Variants in WWOX observed in about 807,000 individuals in gnomAD.
WWOX encodes WW domain containing oxidoreductase.
WWOX carries 69 observed loss-of-function variants against 46.2 expected under a neutral mutation model. That is an observed-to-expected ratio of 1.49 (90% CI 1.23 to 1.82). WWOX has a LOEUF of 1.82. Ranked by LOEUF, WWOX falls within the 40% of genes most tolerant of loss-of-function variation. The probability of loss-of-function intolerance (pLI) is 0.00; values close to 1 mark genes in which losing one functional copy is unlikely to be tolerated. For synonymous variants in WWOX, 359 were observed against 202.6 expected, an observed-to-expected ratio of 1.77 and a Z score of -6.56; for missense variants, 919 against 542.6, an observed-to-expected ratio of 1.69 and a Z score of -6.89.
At chr16:78,642,126 C>G (rs1429882279) in intron 8 of WWOX, among the ~76,000 whole-genome samples, 1 of 152,128 alleles carries the variant, frequency 6.6e-6, no homozygotes, top group Admixed American at 6.6e-5. Context: ...CAATTTCTCT[C>G]CATCTAACAA....
intron 8 of WWOX, among the ~76,000 whole-genome samples, chr16:79,069,265 T>A (rs149216125): frequency 6.6e-6 from 1 of 152,118 alleles, no homozygotes; most frequent in South Asian, 2.1e-4. Flanking sequence ...CTGTTTAGAG[T>A]TGCCAGTTCT....
At chr16:78,812,916 A>G (rs2142713916) in intron 8 of WWOX, among the ~76,000 whole-genome samples, 1 of 152,246 alleles carries the variant, frequency 6.6e-6, no homozygotes, top group Middle Eastern at 3.4e-3. Flanking sequence ...AGAGGTTTTG[A>G]CTCACTGGTG....
chr16:78,556,196 G>A (rs1004747841), intron 8 of WWOX, among the ~76,000 whole-genome samples: 4 of 151,600 alleles, frequency 2.6e-5, no homozygotes, highest in African/African-American at 9.7e-5. Context: ...AACAGCAAAT[G>A]CCAGCCTATC....
At chr16:78,329,355 G>A (rs988348711) in intron 5 of WWOX, among the ~76,000 whole-genome samples, 1 of 152,048 alleles carries the variant, frequency 6.6e-6, no homozygotes, top group Non-Finnish European at 1.5e-5. Flanking sequence ...GATGAGGGAT[G>A]CAAAAAACGT....
At chr16:78,971,234 G>A (rs1016063771) in intron 8 of WWOX, among the ~76,000 whole-genome samples, 1 of 151,954 alleles carries the variant, frequency 6.6e-6, no homozygotes, top group Non-Finnish European at 1.5e-5. Flanking sequence ...GCTGAGGCGG[G>A]AAGATCACTT....
chr16:78,411,435 T>G (rs993856917), intron 6 of WWOX, among the ~76,000 whole-genome samples: 1 of 152,116 alleles, frequency 6.6e-6, no homozygotes, highest in Admixed American at 6.5e-5. Flanking sequence ...ATTAGGAATT[T>G]GACAGAGGGA....
chr16:79,189,627 T>C (rs1349833838), intron 8 of WWOX, among the ~76,000 whole-genome samples: 1 of 152,020 alleles, frequency 6.6e-6, no homozygotes, highest in East Asian at 1.9e-4. Context: ...TGAGGAATAA[T>C]TATTTCTAGT....
intron 8 of WWOX, among the ~76,000 whole-genome samples, chr16:78,975,423 GAGGTAAGAAA>G (rs2046551701): frequency 1.3e-5 from 2 of 151,924 alleles, no homozygotes; most frequent in Admixed American, 1.3e-4. Context: ...AATAACACTG[GAGGTAAGAAA>G]CCTTGGCCTA....
rs1324524241 is a variant in WWOX at position 78,901,398 on chromosome 16, T to C, written c.1057-310210T>C. Among the ~76,000 whole-genome samples, 3 of 152,336 alleles carry C rather than the reference T, an allele frequency of 2.0e-5. No homozygotes were observed. The East Asian group carries it at 5.8e-4, about 29-fold the overall frequency. On this transcript the variant is annotated intron_variant, in intron 8 of 8. Transcript: ENST00000566780. The stretch of plus-strand genomic sequence containing the variant: ...GAATTTTGGCTTTAATTCTTTCTCT[T>C]TTTTTCCTGTTCTTTTCCCTCTCCC...
In WWOX at chr16:78,230,177, TGCCC is replaced by T. The variant is rs879735642; in HGVS notation, c.516+65890_516+65893del. On this transcript the variant is annotated intron_variant, in intron 5 of 8. Transcript: ENST00000566780. ...TTACAGGCGTGAGCTACCGTGCCCG[TGCCC>T]GGCCTTACGTTTCAGCATCTTTCAA... Among the ~76,000 whole-genome samples, 931 of 108,866 alleles carry T rather than the reference TGCCC, an allele frequency of 8.6e-3. 4 individuals carry two copies. The highest frequency in any genetic ancestry group is 0.022 in the Middle Eastern group (5 of 224). 71.4% of individuals were successfully genotyped at this position (108,866 alleles called of 152,430 possible).
intron 2 of WWOX, 76 bp from the exon 3 acceptor site, chr16:78,109,702 G>T: frequency 1.3e-6 from 2 of 1,500,808 alleles, no homozygotes; most frequent in Non-Finnish European, 1.8e-6. Context: ...GGCTGGGAGG[G>T]CTCCTTCCCT....
At position 78,361,590 on chromosome 16, in the gene WWOX, C is replaced by G. The variant is rs532064931; in HGVS notation, c.517-25270C>G. 3.3e-5 allele frequency among the ~76,000 whole-genome samples: 5 copies of G among 152,100 alleles called. No homozygotes were observed. In the East Asian group the frequency reaches 9.7e-4, roughly 29 times the overall value. On this transcript the variant is annotated intron_variant, in intron 5 of 8. Coordinates refer to ENST00000566780, the MANE Select transcript of WWOX (RefSeq NM_016373.4). ...GGAATTCTTCTGAAGAAAGAGCTAT[C>G]CCTTCTCCCCCATTTCTTTCTTTTC...
At chr16:78,595,982 G>C (rs574858724) in intron 8 of WWOX, among the ~76,000 whole-genome samples, 3 of 152,212 alleles carry the variant, frequency 2.0e-5, no homozygotes, top group South Asian at 4.2e-4. Context: ...CATTCAAAGG[G>C]GATAAGACAT....
At chr16:78,639,589 G>GAC (rs397731464) in intron 8 of WWOX, among the ~76,000 whole-genome samples, 1 of 146,760 alleles carries the variant, frequency 6.8e-6, no homozygotes, top group African/African-American at 2.5e-5. Flanking sequence ...TTTCCAGACA[G>GAC]TTTCACTCTT....
chr16:79,063,163 A>G (rs2048384437), intron 8 of WWOX, among the ~76,000 whole-genome samples: 1 of 152,218 alleles, frequency 6.6e-6, no homozygotes, highest in Admixed American at 6.5e-5. Flanking sequence ...TCATTTCAGT[A>G]GAAGGAGTGG....
intron 6 of WWOX, among the ~76,000 whole-genome samples, chr16:78,389,872 C>T (rs945029260): frequency 6.6e-6 from 1 of 152,164 alleles, no homozygotes; most frequent in African/African-American, 2.4e-5. Flanking sequence ...GCCTCATCCT[C>T]CAGAGTAGCT....
At chr16:78,546,540 T>A (rs1301291127) in intron 8 of WWOX, among the ~76,000 whole-genome samples, 1 of 152,214 alleles carries the variant, frequency 6.6e-6, no homozygotes, top group Non-Finnish European at 1.5e-5. Flanking sequence ...TACGATTCCA[T>A]TGTTTATATT....
chr16:79,064,251 A>G (rs1411677128), intron 8 of WWOX, among the ~76,000 whole-genome samples: 1 of 152,246 alleles, frequency 6.6e-6, no homozygotes, highest in East Asian at 1.9e-4. Context: ...GGCAAAGAAA[A>G]TACAAACCCA....
At chr16:78,128,510 A>G (rs72802980) in intron 4 of WWOX, among the ~76,000 whole-genome samples, 7,829 of 152,210 alleles carry the variant, frequency 0.051, 237 homozygotes, top group African/African-American at 0.058. Flanking sequence ...GCTTGCCTTA[A>G]GTTTCACCTG....
Sources: allele counts gnomAD v4.1 joint callset (sites outside exome capture counted in the v4.1 genomes callset), GRCh38; gene constraint gnomAD v4.1.1; transcripts MANE v1.5; gene names NCBI Gene and HGNC (gene_info 2026-07-23, HGNC 2026-07-21).